CTIF: variants seen among roughly 807,000 people sequenced by gnomAD.
The protein encoded by CTIF is CBP80/20-dependent translation initiation factor.
CTIF carries 21 observed loss-of-function variants against 66.0 expected under a neutral mutation model. The observed-to-expected ratio is 0.32, with a 90% CI of 0.23 to 0.46. CTIF has a LOEUF of 0.46. CTIF is among the 20% of genes least tolerant of loss of function. The probability of loss-of-function intolerance (pLI) is 1.00; values close to 1 mark genes in which losing one functional copy is unlikely to be tolerated. For synonymous variants in CTIF, 345 were observed against 326.4 expected (o/e 1.06, Z -0.62); for missense variants, 739 against 812.7 (o/e 0.91, Z 1.10).
At chr18:48,806,371 A>G (rs771630453) in intron 9 of CTIF, among the ~76,000 whole-genome samples, 4 of 152,058 alleles carry the variant, frequency 2.6e-5, no homozygotes, top group Non-Finnish European at 5.9e-5. Flanking sequence ...AGGAAAAGAA[A>G]CTTCCTGCTA....
chr18:48,825,261 C>CT (rs1219742182), intron 10 of CTIF, among the ~76,000 whole-genome samples: 3 of 152,000 alleles, frequency 2.0e-5, no homozygotes, highest in Admixed American at 6.5e-5. Flanking sequence ...CCCATCTGCC[C>CT]CTCCCTGCCC....
At chr18:48,798,586 G>T (rs1342407106) in intron 9 of CTIF, among the ~76,000 whole-genome samples, 1 of 152,202 alleles carries the variant, frequency 6.6e-6, no homozygotes, top group Non-Finnish European at 1.5e-5. Flanking sequence ...TGTGTGTCCT[G>T]TGCAGCCTGC....
chr18:48,654,097 G>A (rs1163338783), intron 3 of CTIF, among the ~76,000 whole-genome samples: 1 of 152,134 alleles, frequency 6.6e-6, no homozygotes, highest in African/African-American at 2.4e-5. Flanking sequence ...CACCAAAAGT[G>A]ATGGCAACAA....
intron 6 of CTIF, 128 bp downstream of exon 6, chr18:48,670,872 A>G (rs2091522585): frequency 1.4e-6 from 1 of 738,282 alleles, no homozygotes; most frequent in Admixed American, 2.2e-5. Flanking sequence ...AACCGCCTGT[A>G]TGGTAGTAAT....
chr18:48,600,327 G>A (rs1181544391), intron 1 of CTIF, among the ~76,000 whole-genome samples: 1 of 152,122 alleles, frequency 6.6e-6, no homozygotes, highest in Non-Finnish European at 1.5e-5. Flanking sequence ...GATGAGCTCC[G>A]AAGCCTGTGT....
intron 3 of CTIF, among the ~76,000 whole-genome samples, chr18:48,649,410 C>T (rs1025287333): frequency 2.6e-5 from 4 of 152,270 alleles, no homozygotes; most frequent in Non-Finnish European, 5.9e-5. Flanking sequence ...GGGGCGTCTG[C>T]CATTGCTGAC....
At chr18:48,671,438 T>C (rs964598071) in intron 6 of CTIF, among the ~76,000 whole-genome samples, 2 of 152,184 alleles carry the variant, frequency 1.3e-5, no homozygotes, top group East Asian at 3.9e-4. Context: ...CACACTCCAC[T>C]GTGCCACCCT....
chr18:48,710,067 C>T (rs1192082197), intron 6 of CTIF, among the ~76,000 whole-genome samples: 1 of 152,272 alleles, frequency 6.6e-6, no homozygotes, highest in Non-Finnish European at 1.5e-5. Flanking sequence ...CCAGTCCCAG[C>T]ATAGCCAGGG....
At chr18:48,846,954 G>T (rs1245146999) in intron 10 of CTIF, among the ~76,000 whole-genome samples, 1 of 152,124 alleles carries the variant, frequency 6.6e-6, no homozygotes, top group Non-Finnish European at 1.5e-5. Flanking sequence ...CAAAGAATAG[G>T]TAAAATCAGT....
chr18:48,771,306 C>G (rs569577803), intron 9 of CTIF, among the ~76,000 whole-genome samples: 17 of 152,302 alleles, frequency 1.1e-4, no homozygotes, highest in Non-Finnish European at 2.2e-4. Context: ...TGTGTCCCAC[C>G]ACCATACTGG....
At chr18:48,853,087 G>A (rs2069245135) in intron 10 of CTIF, among the ~76,000 whole-genome samples, 1 of 152,072 alleles carries the variant, frequency 6.6e-6, no homozygotes, top group Admixed American at 6.5e-5. Context: ...CTCTCAGCTG[G>A]GCGAGTTTTC....
intron 10 of CTIF, among the ~76,000 whole-genome samples, chr18:48,855,657 G>C (rs1435260731): frequency 6.6e-6 from 1 of 152,216 alleles, no homozygotes; most frequent in Non-Finnish European, 1.5e-5. Context: ...TAAATTGCAG[G>C]GGAAGGAAGT....
At chr18:48,720,616 A>C (rs1355277302) in intron 7 of CTIF, among the ~76,000 whole-genome samples, 1 of 151,984 alleles carries the variant, frequency 6.6e-6, no homozygotes, top group Non-Finnish European at 1.5e-5. Flanking sequence ...TATTTTTAGG[A>C]TCCTTCTCCT....
At chr18:48,815,073 T>C (rs2068334782) in intron 9 of CTIF, among the ~76,000 whole-genome samples, 1 of 152,140 alleles carries the variant, frequency 6.6e-6, no homozygotes, top group African/African-American at 2.4e-5. Flanking sequence ...TACTTTCCAA[T>C]TTAAAAACAC....
chr18:48,720,453 A>G (rs1568163262), intron 7 of CTIF, among the ~76,000 whole-genome samples: 1 of 152,094 alleles, frequency 6.6e-6, no homozygotes, highest in Non-Finnish European at 1.5e-5. Context: ...AGACAGATCT[A>G]TGCTCACTTT....
intron 7 of CTIF, among the ~76,000 whole-genome samples, chr18:48,746,761 G>T (rs1163570465): frequency 6.6e-6 from 1 of 152,010 alleles, no homozygotes; most frequent in Non-Finnish European, 1.5e-5. Flanking sequence ...ACCCAGGAGG[G>T]AGCTGAGTTC....
intron 1 of CTIF, among the ~76,000 whole-genome samples, chr18:48,568,643 A>AAAAG: frequency 8.2e-6 from 1 of 122,270 alleles, no homozygotes; most frequent in Non-Finnish European, 1.7e-5. Context: ...TAAAAAAAAA[A>AAAAG]AAAAAAAAAA....
At chr18:48,636,225 T>A (rs551245750) in intron 2 of CTIF, among the ~76,000 whole-genome samples, 1 of 152,306 alleles carries the variant, frequency 6.6e-6, no homozygotes, top group South Asian at 2.1e-4. Flanking sequence ...CTCACTGCCA[T>A]CTCTGGCCAC....
chr18:48,551,942 C>A (rs1048135808), intron 1 of CTIF, among the ~76,000 whole-genome samples: 2 of 152,156 alleles, frequency 1.3e-5, no homozygotes, highest in South Asian at 2.1e-4. Flanking sequence ...GGACTACAGG[C>A]GCCCGCCACC....
Sources: gnomAD v4.1 joint callset for allele counts (sites outside exome capture counted in the v4.1 genomes callset) on GRCh38, gnomAD v4.1.1 for gene constraint, MANE v1.5 for transcripts, NCBI Gene and HGNC (gene_info 2026-07-23, HGNC 2026-07-21) for gene names.